The following KNDC1 variants were observed in gnomAD, a reference collection of about 807,000 sequenced individuals.
The protein encoded by KNDC1 is kinase non-catalytic C-lobe domain-containing protein 1.
In KNDC1, 106 loss-of-function variants were observed where a neutral mutation model predicts 172.8. The observed-to-expected ratio is 0.61, with a 90% confidence interval of 0.52 to 0.72. KNDC1 has a LOEUF of 0.72. KNDC1 is among the 30% of genes least tolerant of loss of function. The pLI, the probability that KNDC1 is intolerant of heterozygous loss-of-function variation, is 0.00. For missense variants in KNDC1, 2,325 were observed against 2,394.5 expected (o/e 0.97, Z 0.61); for synonymous variants, 1,083 against 1,062.2 (o/e 1.02, Z -0.38).
Position 133,198,737 on chromosome 10 carries a change from A to G in KNDC1, c.2229A>G (p.Pro743=), listed in dbSNP as rs1854270517. ...GTCCGGGGCCACAGGGAGCAGCCCCAGAGCCTCTTGGGGCGTCAGTGCAGC... is the reference window on the plus strand; with the variant it reads ...GTCCGGGGCCACAGGGAGCAGCCCCGGAGCCTCTTGGGGCGTCAGTGCAGC... ...VPGPGPQGAA[P]EPLGASVQRD... The change falls in exon 14 of 30, where the codon CCA becomes CCG. Residue 743 remains proline, a synonymous_variant. Transcript: ENST00000304613. 1.3e-6 allele frequency: 2 copies of G among 1,578,480 alleles called. No homozygotes were observed. The highest frequency in any genetic ancestry group is 1.7e-6 in the Non-Finnish European group (2 of 1,163,160).
intron 6 of KNDC1, 65 bp from the exon 7 acceptor site, chr10:133,188,474 C>T: frequency 2.8e-6 from 3 of 1,067,374 alleles, no homozygotes; most frequent in Admixed American, 4.1e-5. Context: ...CCCGGACATG[C>T]CTCTCCAGGC....
Position 133,218,948 on chromosome 10 carries a change from T to G in KNDC1, c.4795T>G (p.Ser1599Ala). The change falls in exon 27 of 30, where the codon TCC becomes GCC. Residue 1599 changes from serine (S) to alanine (A), a missense_variant. Coordinates refer to ENST00000304613, the MANE Select transcript of KNDC1 (RefSeq NM_152643.8). Reference protein sequence around the residue: ...SGLEHLAVRQSPAWRILPAKI... With the variant: ...SGLEHLAVRQAPAWRILPAKI... ...GCTGGAGCACCTGGCCGTGAGGCAG[T>G]CCCCTGTGCGTCCCCCTCGGGCCCC... 9 of 1,613,722 alleles carry G rather than the reference T, an allele frequency of 5.6e-6. No individual in the cohort carries two copies. The highest frequency in any genetic ancestry group is 7.6e-6 in the Non-Finnish European group (9 of 1,179,890).
At chr10:133,219,311 G>A (rs1564901946) in intron 28 of KNDC1, among the ~76,000 whole-genome samples, 1 of 152,246 alleles carries the variant, frequency 6.6e-6, no homozygotes, top group Non-Finnish European at 1.5e-5. Context: ...GGGCCTTGCT[G>A]GTCTGAGTTC....
rs191323544 is a variant in KNDC1, at chr10:133,182,786, C to T, written c.361-558C>T. 3.0e-3 allele frequency among the ~76,000 whole-genome samples: 462 copies of T among 152,394 alleles called. 4 individuals are homozygous for T. Among genetic ancestry groups the T allele is most frequent in the African/African-American group, 0.011 (437 of 41,594 alleles). Reference sequence around the variant, plus strand: ...TCCAGAAAGCGCAGAGGGGCGGGGCCATGGCCAGCACAGATCTAGGCCCAA... The same window carrying T: ...TCCAGAAAGCGCAGAGGGGCGGGGCTATGGCCAGCACAGATCTAGGCCCAA... On this transcript the variant is annotated intron_variant, in intron 3 of 29. Coordinates refer to ENST00000304613, the MANE Select transcript of KNDC1 (RefSeq NM_152643.8).
chr10:133,161,504 C>G (rs144816815), intron 1 of KNDC1, among the ~76,000 whole-genome samples: 2,966 of 152,264 alleles, frequency 0.019, 109 homozygotes, highest in African/African-American at 0.067. Flanking sequence ...ACCTGCTGCC[C>G]CAGGGGAGTG....
chr10:133,184,028 A>C, intron 5 of KNDC1, 39 bp downstream of exon 5: 1 of 1,038,642 alleles, frequency 9.6e-7, no homozygotes, highest in East Asian at 2.6e-5. Flanking sequence ...CCTCATGCAC[A>C]TATACCTGTG....
rs59816931 is a variant in KNDC1, at chr10:133,185,949, G to A, written c.626-25G>A. The stretch of plus-strand genomic sequence containing the variant: ...GGAGGGGCGGGAGGGGCACCCAGCC[G>A]TGACCACATCTTGCTTGTGCCCAGA... On this transcript the variant is annotated intron_variant, in intron 5 of 29. Transcript: ENST00000304613. 4.2e-3 allele frequency: 5,213 copies of A among 1,244,978 alleles called. 181 individuals are homozygous for A. In the African/African-American group the frequency reaches 0.079, roughly 19 times the overall value. 77.1% of individuals were successfully genotyped at this position (1,244,978 alleles called of 1,614,324 possible).
chr10:133,189,737 G>T lies in KNDC1; in HGVS notation c.1514-15G>T. On this transcript the variant is annotated splice_polypyrimidine_tract_variant and intron_variant, in intron 8 of 29. Coordinates refer to ENST00000304613, the MANE Select transcript of KNDC1 (RefSeq NM_152643.8). ...CGCCAGGGGTGAGGAAAGCTCAGTC[G>T]GGTTTCTCTCTTAGGTTCCTATGAC... 6 of 1,614,032 alleles carry T rather than the reference G, an allele frequency of 3.7e-6. No individual in the cohort carries two copies. The highest frequency in any genetic ancestry group is 5.1e-6 in the Non-Finnish European group (6 of 1,179,974).
At chr10:133,210,514 G>A (rs371971206) in intron 20 of KNDC1, 97 bp from the exon 21 acceptor site, 143 of 731,914 alleles carry the variant, frequency 2.0e-4, no homozygotes, top group East Asian at 1.7e-3. Context: ...CAAAGAAAAC[G>A]CACACACACA....
At chr10:133,167,698 T>G in intron 2 of KNDC1, 119 bp downstream of exon 2, 2 of 1,120,426 alleles carry the variant, frequency 1.8e-6, no homozygotes, top group Non-Finnish European at 2.5e-6. Context: ...GGACCCGGGT[T>G]TCCTGTGGAG....
At chr10:133,197,003 C>A (rs549788527) in intron 10 of KNDC1, 55 bp from the exon 11 acceptor site, 5 of 1,389,534 alleles carry the variant, frequency 3.6e-6, no homozygotes, top group Non-Finnish European at 5.1e-6. Context: ...GACACGGGGA[C>A]GGTGCAGCCG....
chr10:133,171,629 A>G (rs1853380256), intron 3 of KNDC1, among the ~76,000 whole-genome samples: 1 of 151,806 alleles, frequency 6.6e-6, no homozygotes, highest in South Asian at 2.1e-4. Context: ...TAGTCTACAG[A>G]AATGCAATGC....
intron 6 of KNDC1, 116 bp downstream of exon 6, chr10:133,186,790 G>A (rs374172532): frequency 2.5e-5 from 18 of 726,576 alleles, no homozygotes; most frequent in Non-Finnish European, 3.5e-5. Flanking sequence ...CTTCACCCTC[G>A]CTCCATAATT....
intron 20 of KNDC1, 119 bp downstream of exon 20, chr10:133,207,470 A>G: frequency 1.1e-6 from 1 of 947,966 alleles, no homozygotes; most frequent in South Asian, 1.6e-5. Flanking sequence ...GTTTAGAGAA[A>G]TGTTTAATCG....
At chr10:133,162,213 A>G (rs1025222099) in intron 1 of KNDC1, among the ~76,000 whole-genome samples, 2 of 152,158 alleles carry the variant, frequency 1.3e-5, no homozygotes, top group African/African-American at 4.8e-5. Context: ...ACTGAGCCCA[A>G]CACACCCCAT....
At position 133,183,467 on chromosome 10, in the gene KNDC1, C is replaced by T. The variant is rs1469353054; in HGVS notation, c.484C>T (p.Pro162Ser). 1 of 1,604,932 alleles carries T rather than the reference C, an allele frequency of 6.2e-7. No individual in the cohort carries two copies. The highest frequency in any genetic ancestry group is 1.3e-5 in the African/African-American group (1 of 74,824). Residue 162 changes from proline (P) to serine (S), a missense_variant, in exon 4 of 30, where the codon CCC (proline) becomes TCC (serine). By Grantham distance (74) the Pro-to-Ser change is moderately conservative. Transcript: ENST00000304613. Reference sequence around the variant, plus strand: ...GCTGAGCCGGATGCAGGCGGAGGACCCCGGGGACCGGCCGGACCTTGAGGT... The same window carrying T: ...GCTGAGCCGGATGCAGGCGGAGGACTCCGGGGACCGGCCGGACCTTGAGGT... Reference protein sequence around the residue: ...ALLSRMQAEDPGDRPDLESII... With the variant: ...ALLSRMQAEDSGDRPDLESII...
Position 133,183,967 on chromosome 10 carries a change from C to T in KNDC1, c.603C>T (p.Ile201=), listed in dbSNP as rs757673809. ...LSAVGRRVLS[I]ESFGALQDVS... is the part of the protein sequence containing the mutation. Reference sequence around the variant, plus strand: ...CTGTGGGGAGGAGGGTCCTCTCCATCGAGTCCTTCGGAGCGCTGCAGGGTG... The same window carrying T: ...CTGTGGGGAGGAGGGTCCTCTCCATTGAGTCCTTCGGAGCGCTGCAGGGTG... Residue 201 remains isoleucine (I), a synonymous_variant, in exon 5 of 30, where the codon ATC becomes ATT. Coordinates refer to ENST00000304613, the MANE Select transcript of KNDC1 (RefSeq NM_152643.8). 22 of 1,593,226 alleles carry T rather than the reference C, an allele frequency of 1.4e-5. No individual in the cohort carries two copies. The highest frequency in any genetic ancestry group is 1.7e-5 in the Non-Finnish European group (20 of 1,165,374).
chr10:133,222,443 CGGCGTGTGTGTGTGTGTGTG>C lies in KNDC1; in HGVS notation c.5019-2215_5019-2196del, dbSNP rs1564903615. The stretch of plus-strand genomic sequence containing the variant: ...AGAGCCCATCCAGGCATGCTCTTCC[CGGCGTGTGTGTGTGTGTGTG>C]AGAGCCCATCCAGGCATGCTCTTCC... On this transcript the variant is annotated intron_variant, in intron 29 of 29. Transcript: ENST00000304613. Among the ~76,000 whole-genome samples, 9 of 89,964 alleles carry C rather than the reference CGGCGTGTGTGTGTGTGTGTG, an allele frequency of 1.0e-4. 1 individual carries two copies. The highest frequency in any genetic ancestry group is 1.5e-4 in the Non-Finnish European group (6 of 39,562). The allele number at this position is 89,964 out of a possible 152,430, so 59.0% of individuals were successfully genotyped here.
chr10:133,205,566 G>A (rs1475679606), intron 17 of KNDC1, among the ~76,000 whole-genome samples: 5 of 152,234 alleles, frequency 3.3e-5, no homozygotes, highest in South Asian at 2.1e-4. Context: ...TGCGGCCGCC[G>A]CCCAGCAAAC....
Sources: allele counts gnomAD v4.1 joint callset (sites outside exome capture counted in the v4.1 genomes callset), GRCh38; gene constraint gnomAD v4.1.1; transcripts MANE v1.5; gene names NCBI Gene and HGNC (gene_info 2026-07-23, HGNC 2026-07-21).